Variants in PRELID2 observed in about 807,000 individuals in gnomAD.
PRELID2 encodes the protein PRELI domain containing 2.
PRELID2 carries 25 observed loss-of-function variants against 28.4 expected under a neutral mutation model. That is an observed-to-expected ratio of 0.88 (90% CI 0.64 to 1.23). The LOEUF (loss-of-function observed/expected upper bound fraction) is 1.23, where lower values mean the gene tolerates loss of function less well. Ranked by LOEUF, PRELID2 falls within the 50% of genes most tolerant of loss-of-function variation. The pLI is 0.00. For synonymous variants in PRELID2, 76 were observed against 71.6 expected (o/e 1.06, Z -0.31); for missense variants, 201 against 214.4 (o/e 0.94, Z 0.39).
chr5:145,585,076 A>G (rs1228204826), intron 1 of PRELID2, among the ~76,000 whole-genome samples: 2 of 152,208 alleles, frequency 1.3e-5, no homozygotes, highest in Admixed American at 6.5e-5. Context: ...AAAATGTGGT[A>G]TATATACACA....
chr5:145,279,554 GTGCT>G, the PRELID2 span, among the ~76,000 whole-genome samples: 1 of 152,132 alleles, frequency 6.6e-6, no homozygotes, highest in Non-Finnish European at 1.5e-5. Flanking sequence ...ATTTAGCACA[GTGCT>G]TGCCAAATGG....
chr5:145,702,184 T>A (rs1329139235), intron 1 of PRELID2, among the ~76,000 whole-genome samples: 1 of 152,142 alleles, frequency 6.6e-6, no homozygotes, highest in Admixed American at 6.6e-5. Context: ...TAAACACTTA[T>A]AAAAAGGATA....
intron 1 of PRELID2, among the ~76,000 whole-genome samples, chr5:145,708,876 C>A (rs1480367926): frequency 2.0e-5 from 3 of 152,214 alleles, no homozygotes; most frequent in Non-Finnish European, 4.4e-5. Flanking sequence ...TCGGGTGGGA[C>A]AAATCCTCGT....
the PRELID2 span, among the ~76,000 whole-genome samples, chr5:145,315,201 C>G: frequency 6.6e-6 from 1 of 151,428 alleles, no homozygotes; most frequent in East Asian, 1.9e-4. Flanking sequence ...TCCCGAGTAG[C>G]TGGGACTACA....
intron 1 of PRELID2, among the ~76,000 whole-genome samples, chr5:145,702,384 T>C (rs1755430103): frequency 6.6e-6 from 1 of 152,186 alleles, no homozygotes. Flanking sequence ...GTAAAGGAAC[T>C]ATAGTAGATG....
At chr5:145,711,822 G>T (rs936091718) in intron 1 of PRELID2, among the ~76,000 whole-genome samples, 1 of 146,282 alleles carries the variant, frequency 6.8e-6, no homozygotes, top group Non-Finnish European at 1.5e-5. Flanking sequence ...GGCAGAGGCA[G>T]GGTAGCACAG....
intron 1 of PRELID2, among the ~76,000 whole-genome samples, chr5:145,477,375 T>C (rs1343869607): frequency 1.3e-5 from 2 of 152,172 alleles, no homozygotes; most frequent in Admixed American, 6.6e-5. Context: ...CCACATCCTA[T>C]CCTATCCTAT....
chr5:145,231,597 C>T, the PRELID2 span, among the ~76,000 whole-genome samples: 21 of 152,238 alleles, frequency 1.4e-4, no homozygotes, highest in Non-Finnish European at 2.4e-4. Context: ...ACAGTTTGAC[C>T]GCCCACTAGA....
intron 1 of PRELID2, among the ~76,000 whole-genome samples, chr5:145,595,161 G>GACACACACACACACATACAC (rs1554078064): frequency 3.0e-5 from 4 of 131,192 alleles, no homozygotes; most frequent in African/African-American, 6.1e-5. Context: ...AGTCATAATA[G>GACACACACACACACATACAC]ACACACACAC....
At chr5:145,579,733 G>A (rs758711997) in intron 1 of PRELID2, among the ~76,000 whole-genome samples, 2 of 152,072 alleles carry the variant, frequency 1.3e-5, no homozygotes, top group Non-Finnish European at 1.5e-5. Flanking sequence ...TTTGTCTGAG[G>A]AGGGGTGTTG....
chr5:145,535,941 T>C (rs755245233), intron 1 of PRELID2, among the ~76,000 whole-genome samples: 13 of 151,956 alleles, frequency 8.6e-5, no homozygotes, highest in Admixed American at 1.3e-4. Flanking sequence ...ACATTTCCAT[T>C]ACAACCAATT....
chr5:145,733,093 A>G (rs934980502), intron 1 of PRELID2, among the ~76,000 whole-genome samples: 2 of 151,838 alleles, frequency 1.3e-5, no homozygotes, highest in Non-Finnish European at 2.9e-5. Context: ...AAAAAAAAAA[A>G]AAAGAAAGAA....
At chr5:145,833,769 T>C (rs1581311514) in intron 1 of PRELID2, among the ~76,000 whole-genome samples, 1 of 152,326 alleles carries the variant, frequency 6.6e-6, no homozygotes, top group East Asian at 1.9e-4. Flanking sequence ...TAGTTTGGCT[T>C]CCGGGTTGCA....
At chr5:145,406,776 T>G in the PRELID2 span, among the ~76,000 whole-genome samples, 1 of 152,224 alleles carries the variant, frequency 6.6e-6, no homozygotes, top group Non-Finnish European at 1.5e-5. Flanking sequence ...GGGTAAAGTC[T>G]GCCTCTGAAC....
rs574707445 is a variant in PRELID2 at position 145,803,448 on chromosome 5, G to A, written c.369-6901C>T. On this transcript the variant is annotated intron_variant, in intron 4 of 6. Transcript: ENST00000683046. ...TATACATATACATGCCTTTAAGACA[G>A]GGAACGAAGGCGCGGCTCCTGGAAT... Among the ~76,000 whole-genome samples the A allele has an allele frequency of 6.6e-5, 10 of 152,168 alleles. No individual in the cohort carries two copies. The South Asian group carries it at 2.1e-3, about 32-fold the overall frequency.
At chr5:145,740,669 A>G (rs1328806630) in intron 1 of PRELID2, among the ~76,000 whole-genome samples, 8 of 82,538 alleles carry the variant, frequency 9.7e-5, no homozygotes, top group African/African-American at 3.1e-4. Flanking sequence ...AATAAAATAA[A>G]TATATATTTT....
rs1230365210 is a variant in PRELID2, at chr5:145,823,103, G to C, written c.107C>G (p.Ser36Ter). The C allele has an allele frequency of 1.3e-6, 2 of 1,535,738 alleles. No homozygotes were observed. Among genetic ancestry groups the C allele is most frequent in the African/African-American group, 2.7e-5 (2 of 73,212 alleles). The change falls in exon 2 of 7, where the codon TCA becomes TGA. Residue 36 changes from serine (S) to a stop codon, truncating the protein, a stop_gained. Coordinates refer to ENST00000683046, the MANE Select transcript of PRELID2 (RefSeq NM_205846.3). LOFTEE classifies it high-confidence loss of function. Reference protein sequence around the residue: ...YPNPMDKNVISVKIMEEKRDE... With the variant: ...YPNPMDKNVI ...TCTTTTTTCCTCCATGATTTTTACT[G>C]AGATGACATTTTTATCCATGGGGTT...
At chr5:145,676,011 A>G (rs151237351) in intron 1 of PRELID2, among the ~76,000 whole-genome samples, 1 of 152,132 alleles carries the variant, frequency 6.6e-6, no homozygotes, top group African/African-American at 2.4e-5. Flanking sequence ...ACCTGAGGTC[A>G]GGAATTTGAG....
chr5:145,695,437 A>C (rs188143092), intron 1 of PRELID2, among the ~76,000 whole-genome samples: 1 of 152,348 alleles, frequency 6.6e-6, no homozygotes, highest in Admixed American at 6.5e-5. Flanking sequence ...GAGAGAAGCC[A>C]GCTAATGCAC....
Sources: allele counts gnomAD v4.1 joint callset (sites outside exome capture counted in the v4.1 genomes callset), GRCh38; gene constraint gnomAD v4.1.1; transcripts MANE v1.5; gene names NCBI Gene and HGNC (gene_info 2026-07-23, HGNC 2026-07-21).